The following GRIP1 variants were observed in gnomAD, a reference collection of about 807,000 sequenced individuals.
GRIP1 encodes glutamate receptor-interacting protein 1.
GRIP1 carries 45 observed loss-of-function variants against 129.9 expected under a neutral mutation model. The ratio of observed to expected loss-of-function variants is 0.35; its 90% CI spans 0.27 to 0.44. The LOEUF is 0.44. GRIP1 is among the 20% of genes least tolerant of loss of function. GRIP1 has a pLI of 1.00. For missense variants in GRIP1, 1,196 were observed against 1,396.8 expected, an observed-to-expected ratio of 0.86 and a Z score of 2.29; for synonymous variants, 530 against 520.8, an observed-to-expected ratio of 1.02 and a Z score of -0.24.
intron 7 of GRIP1, among the ~76,000 whole-genome samples, chr12:66,508,227 T>C (rs2060597557): frequency 6.6e-6 from 1 of 152,202 alleles, no homozygotes; most frequent in African/African-American, 2.4e-5. Flanking sequence ...ATTCTACACA[T>C]ACCGCTTAAT....
intron 23 of GRIP1, among the ~76,000 whole-genome samples, chr12:66,363,169 A>C: frequency 1.1e-5 from 1 of 89,784 alleles, no homozygotes. Context: ...ATATATACAC[A>C]CACATATATG....
chr12:66,768,878 A>G (rs946623363), intron 1 of GRIP1, among the ~76,000 whole-genome samples: 3 of 152,206 alleles, frequency 2.0e-5, no homozygotes, highest in Admixed American at 6.5e-5. Context: ...CTCAGCCCAC[A>G]CTCCAGATCA....
At chr12:66,653,872 G>A (rs1270745117) in intron 1 of GRIP1, among the ~76,000 whole-genome samples, 1 of 152,162 alleles carries the variant, frequency 6.6e-6, no homozygotes, top group African/African-American at 2.4e-5. Context: ...AGAGACCAGA[G>A]GTGTCCAGTC....
chr12:66,542,053 A>G (rs10878446), intron 2 of GRIP1, 103 bp from the exon 3 acceptor site: 117,915 of 1,002,986 alleles, frequency 0.12, 8,017 homozygotes, highest in East Asian at 0.28. Context: ...ATGAGAAAAG[A>G]TATTTATGGC....
chr12:67,012,013 A>G (rs745383768), intron 1 of GRIP1, among the ~76,000 whole-genome samples: 32 of 152,306 alleles, frequency 2.1e-4, no homozygotes, highest in Non-Finnish European at 3.7e-4. Context: ...AAGCTGCAGG[A>G]AGGCAGGGAC....
In GRIP1 at chr12:66,679,058, G is replaced by C. The variant is rs953338615; in HGVS notation, c.-154C>G. The C allele has an allele frequency of 6.5e-7, 1 of 1,529,140 alleles. No homozygotes were observed. The highest frequency in any genetic ancestry group is 8.8e-7 in the Non-Finnish European group (1 of 1,137,666). 94.7% of individuals were successfully genotyped at this position (1,529,140 alleles called of 1,614,324 possible). ...CTTAATTCCTCTTGGCTGATGCAGA[G>C]GTCCGCTACATGTCATCTGGCAAAT... On this transcript the variant is annotated 5_prime_UTR_variant, in exon 1 of 25. Transcript: ENST00000359742.
chr12:66,543,463 T>A (rs567642113), intron 2 of GRIP1, among the ~76,000 whole-genome samples: 1 of 152,314 alleles, frequency 6.6e-6, no homozygotes, highest in African/African-American at 2.4e-5. Context: ...TGCATGAAAG[T>A]ACAGGACCTT....
At chr12:66,466,595 CAATT>C (rs63718062) in intron 7 of GRIP1, among the ~76,000 whole-genome samples, 74,471 of 151,502 alleles carry the variant, frequency 0.49, 18,528 homozygotes, top group Middle Eastern at 0.63. Context: ...ATAAAATTGA[CAATT>C]AACAATACTA....
At chr12:67,047,811 C>A (rs553371452) in intron 1 of GRIP1, among the ~76,000 whole-genome samples, 1 of 152,132 alleles carries the variant, frequency 6.6e-6, no homozygotes, top group Non-Finnish European at 1.5e-5. Context: ...TACTGAGTCA[C>A]GGTTTGTATA....
intron 15 of GRIP1, among the ~76,000 whole-genome samples, chr12:66,408,066 C>T (rs1027195576): frequency 6.6e-5 from 10 of 152,264 alleles, no homozygotes; most frequent in Admixed American, 6.5e-4. Flanking sequence ...AGGTCTTTGC[C>T]CCGGGATAAC....
chr12:66,605,670 G>A (rs539680787), intron 1 of GRIP1, among the ~76,000 whole-genome samples: 18 of 152,034 alleles, frequency 1.2e-4, no homozygotes, highest in Admixed American at 5.9e-4. Context: ...TTATAACTTC[G>A]GTAACTTTAA....
At chr12:66,750,804 A>G (rs1209695701) in intron 1 of GRIP1, among the ~76,000 whole-genome samples, 1 of 152,202 alleles carries the variant, frequency 6.6e-6, no homozygotes, top group African/African-American at 2.4e-5. Context: ...AGTTTCATAA[A>G]ATAAGCAAAA....
At chr12:66,653,204 TA>T (rs956206235) in intron 1 of GRIP1, among the ~76,000 whole-genome samples, 17 of 151,458 alleles carry the variant, frequency 1.1e-4, no homozygotes, top group South Asian at 2.1e-4. Context: ...AAACTTAAAA[TA>T]AAAAAAAACC....
chr12:66,618,684 A>C (rs1424479060), intron 1 of GRIP1, among the ~76,000 whole-genome samples: 1 of 152,162 alleles, frequency 6.6e-6, no homozygotes, highest in East Asian at 1.9e-4. Flanking sequence ...TAACATTGAA[A>C]GACATTTTAT....
At chr12:66,387,517 C>A (rs373871402) in intron 19 of GRIP1, among the ~76,000 whole-genome samples, 2 of 152,286 alleles carry the variant, frequency 1.3e-5, no homozygotes, top group South Asian at 2.1e-4. Context: ...ATTGGCATAA[C>A]ATGTATACCA....
At chr12:66,392,195 A>G in intron 19 of GRIP1, 113 bp downstream of exon 19, 1 of 717,386 alleles carries the variant, frequency 1.4e-6, no homozygotes, top group Non-Finnish European at 2.5e-6. Flanking sequence ...TGGCTGCACC[A>G]AAGCAGACAC....
rs372908444 is a variant in GRIP1, at chr12:67,049,608, G to A, written c.58+19442C>T. On this transcript the variant is annotated intron_variant, in intron 1 of 1. Transcript: ENST00000643019. ...GAGAGCATTAGGACAAATGCCTTAT[G>A]CAAATGGGGCTTAAAACCTAGATGA... 8.5e-5 allele frequency among the ~76,000 whole-genome samples: 13 copies of A among 152,086 alleles called. No individual in the cohort carries two copies. The South Asian group carries it at 2.3e-3, about 27-fold the overall frequency.
intron 1 of GRIP1, among the ~76,000 whole-genome samples, chr12:66,740,355 G>A (rs1260558234): frequency 6.6e-6 from 1 of 152,146 alleles, no homozygotes; most frequent in East Asian, 1.9e-4. Flanking sequence ...GTGCCTATGA[G>A]TCATAAGTGA....
In GRIP1 at chr12:66,371,832, G is replaced by T. The variant is rs1338841941; in HGVS notation, c.2874C>A (p.Ser958Arg). Reference protein sequence around the residue: ...LGRQASFQERSSSRPHYSQTT... With the variant: ...LGRQASFQERRSSRPHYSQTT... ...TTTGGCTGTAGTGCGGCCGCGAGCT[G>T]CTGCGCTCCTGGAAGCTGGCCTGTC... The change falls in exon 23 of 25, where the codon AGC becomes AGA. Residue 958 changes from serine to arginine, a missense_variant. This residue lies in a region of GRIP1 where 427 missense variants were observed against 463.3 expected (regional missense o/e 0.92). Transcript: ENST00000359742. 2 of 1,613,908 alleles carry T rather than the reference G, an allele frequency of 1.2e-6. No homozygotes were observed. The highest frequency in any genetic ancestry group is 2.2e-5 in the East Asian group (1 of 44,888).
Sources: allele counts gnomAD v4.1 joint callset (sites outside exome capture counted in the v4.1 genomes callset), GRCh38; gene constraint gnomAD v4.1.1; regional missense constraint gnomAD v4.1.1; transcripts MANE v1.5; gene names NCBI Gene and HGNC (gene_info 2026-07-23, HGNC 2026-07-21).